The following CEP112 variants were observed in gnomAD, a reference collection of about 807,000 sequenced individuals.
CEP112 encodes the protein centrosomal protein 112.
Under a neutral mutation model 153.0 loss-of-function variants are expected in CEP112, and 127 were observed. The observed-to-expected ratio is 0.83, with a 90% confidence interval of 0.72 to 0.96. CEP112 has a LOEUF of 0.96. Among genes scored for constraint, CEP112 ranks in the 40% least tolerant of loss-of-function variants. CEP112 has a pLI of 0.00. For synonymous variants in CEP112, 358 were observed against 374.4 expected (o/e 0.96, Z 0.51); for missense variants, 1,089 against 1,101.2 (o/e 0.99, Z 0.16).
chr17:66,097,189 A>T (rs1013307837), intron 6 of CEP112, among the ~76,000 whole-genome samples: 4 of 152,186 alleles, frequency 2.6e-5, no homozygotes, highest in African/African-American at 4.8e-5. Context: ...CATTCCAAGG[A>T]CACCAGACAA....
chr17:66,187,024 C>T (rs2072963024), intron 1 of CEP112, among the ~76,000 whole-genome samples: 1 of 152,158 alleles, frequency 6.6e-6, no homozygotes, highest in Non-Finnish European at 1.5e-5. Flanking sequence ...TGCCTATTTG[C>T]TATGTAAAAT....
intron 24 of CEP112, among the ~76,000 whole-genome samples, chr17:65,677,467 C>T (rs1015287974): frequency 2.6e-5 from 4 of 152,126 alleles, no homozygotes; most frequent in African/African-American, 9.7e-5. Flanking sequence ...TGGAACTATG[C>T]CTTCTAATTT....
chr17:65,684,652 T>C (rs117830368), intron 24 of CEP112, among the ~76,000 whole-genome samples: 1 of 152,332 alleles, frequency 6.6e-6, no homozygotes, highest in Non-Finnish European at 1.5e-5. Context: ...TAAGTGAATT[T>C]TAGTTTTACC....
rs1466479062 is a variant in CEP112, at chr17:66,053,943, CG to C, written c.1075-65del. ...TGGAATTGACTATTTTGTAATTCAGCGGAAAAAATGGTTTCTATATTCCTCT... is the reference window on the plus strand; with the variant it reads ...TGGAATTGACTATTTTGTAATTCAGCGAAAAAATGGTTTCTATATTCCTCT... On this transcript the variant is annotated intron_variant, in intron 11 of 26. Transcript: ENST00000535342. 4.2e-6 allele frequency: 6 copies of C among 1,412,202 alleles called. No individual in the cohort carries two copies. In the Admixed American group the frequency reaches 6.3e-5, roughly 15 times the overall value. The allele number at this position is 1,412,202 out of a possible 1,614,324, so 87.5% of individuals were successfully genotyped here.
At chr17:65,645,313 C>T (rs989869860) in intron 24 of CEP112, among the ~76,000 whole-genome samples, 1 of 152,262 alleles carries the variant, frequency 6.6e-6, no homozygotes, top group Non-Finnish European at 1.5e-5. Context: ...AACCAATCTT[C>T]CTGCCTCAGC....
intron 2 of CEP112, chr17:66,182,211 C>A (rs2072748677): frequency 6.6e-6 from 1 of 152,198 alleles, no homozygotes; most frequent in Non-Finnish European, 1.5e-5. Flanking sequence ...ATTTTTGTTA[C>A]ATTATATTGT....
rs57598697 is a variant in CEP112, at chr17:65,950,699, C to CTATTAT, written c.1872+10763_1872+10764insATAATA. Among the ~76,000 whole-genome samples, 34 of 147,180 alleles carry CTATTAT rather than the reference C, an allele frequency of 2.3e-4. 1 individual carries two copies. The highest frequency in any genetic ancestry group is 1.1e-3 in the South Asian group (5 of 4,460). ...CTTTCTTTCCATTCTGGATACATTA[C>CTATTAT]TAGTAGTAGTAGTAGTAGTAGTAGT... is the stretch of plus-strand genomic sequence containing the variant. On this transcript the variant is annotated intron_variant, in intron 18 of 26. Transcript: ENST00000535342.
At chr17:65,791,075 G>A (rs573052251) in intron 21 of CEP112, among the ~76,000 whole-genome samples, 2 of 144,820 alleles carry the variant, frequency 1.4e-5, no homozygotes, top group Non-Finnish European at 3.0e-5. Context: ...ATTTTGGGGG[G>A]GATTTGATTA....
At chr17:66,071,720 G>T (rs2146094527) in intron 8 of CEP112, among the ~76,000 whole-genome samples, 1 of 152,188 alleles carries the variant, frequency 6.6e-6, no homozygotes, top group Middle Eastern at 3.4e-3. Context: ...TAGCTATTTT[G>T]GGGAGCAAAC....
intron 17 of CEP112, among the ~76,000 whole-genome samples, chr17:65,984,688 A>T (rs1218176862): frequency 6.6e-6 from 1 of 152,216 alleles, no homozygotes; most frequent in African/African-American, 2.4e-5. Flanking sequence ...ACATACATAA[A>T]AATATTAAAA....
At chr17:66,141,540 A>G (rs2070700176) in intron 4 of CEP112, among the ~76,000 whole-genome samples, 2 of 152,070 alleles carry the variant, frequency 1.3e-5, no homozygotes, top group South Asian at 4.1e-4. Context: ...CTGAAATTTT[A>G]TATGCATTGA....
intron 18 of CEP112, 77 bp downstream of exon 18, chr17:65,961,386 T>G: frequency 7.4e-7 from 1 of 1,349,146 alleles, no homozygotes; most frequent in Non-Finnish European, 1.0e-6. Context: ...GAAATGTTTC[T>G]GTCATATTTA....
intron 23 of CEP112, among the ~76,000 whole-genome samples, chr17:65,695,276 A>G (rs968891662): frequency 6.6e-6 from 1 of 152,240 alleles, no homozygotes; most frequent in Admixed American, 6.5e-5. Context: ...AGAGCAAATT[A>G]AAGTGTCAAA....
At chr17:65,916,287 GTGTGTA>G (rs1555711271) in intron 19 of CEP112, among the ~76,000 whole-genome samples, 1 of 147,494 alleles carries the variant, frequency 6.8e-6, no homozygotes, top group Non-Finnish European at 1.5e-5. Context: ...GTGTGTGTGT[GTGTGTA>G]TGTGTGGTAG....
chr17:65,652,371 G>A (rs982598490), intron 24 of CEP112, among the ~76,000 whole-genome samples: 9 of 151,996 alleles, frequency 5.9e-5, no homozygotes, highest in Non-Finnish European at 7.4e-5. Flanking sequence ...CAAGGCCACC[G>A]TGAAGATTAG....
At chr17:65,940,258 G>A (rs983132048) in intron 18 of CEP112, among the ~76,000 whole-genome samples, 5 of 152,146 alleles carry the variant, frequency 3.3e-5, no homozygotes, top group Non-Finnish European at 7.4e-5. Flanking sequence ...AGGATGTGGA[G>A]AAAAGGGAAC....
intron 23 of CEP112, among the ~76,000 whole-genome samples, chr17:65,725,537 G>C (rs1428435845): frequency 6.6e-6 from 1 of 152,136 alleles, no homozygotes; most frequent in African/African-American, 2.4e-5. Context: ...GGCTGGTCTG[G>C]AACTCCTGAC....
chr17:65,710,527 T>A (rs2049126069), intron 23 of CEP112, among the ~76,000 whole-genome samples: 1 of 152,214 alleles, frequency 6.6e-6, no homozygotes, highest in African/African-American at 2.4e-5. Context: ...CAACAAATAT[T>A]TCATTTCCTG....
chr17:65,711,862 A>C (rs1238873394), intron 23 of CEP112, among the ~76,000 whole-genome samples: 1 of 152,202 alleles, frequency 6.6e-6, no homozygotes, highest in Non-Finnish European at 1.5e-5. Context: ...CACGTCCGTT[A>C]CCAAACAACC....
Sources: gnomAD v4.1 joint callset for allele counts (sites outside exome capture counted in the v4.1 genomes callset) on GRCh38, gnomAD v4.1.1 for gene constraint, MANE v1.5 for transcripts, NCBI Gene and HGNC (gene_info 2026-07-23, HGNC 2026-07-21) for gene names.